Variants in RCC1L observed in about 807,000 individuals in gnomAD.
RCC1L encodes the protein RCC1 like.
A neutral mutation model predicts 58.6 loss-of-function variants in RCC1L; 46 were observed. The observed-to-expected ratio is 0.79, with a 90% CI of 0.62 to 1.00. RCC1L has a LOEUF of 1.00. Among genes scored for constraint, RCC1L ranks in the 50% least tolerant of loss-of-function variants. The pLI is 0.00. For missense variants in RCC1L, 636 were observed against 623.6 expected (o/e 1.02, Z -0.21); for synonymous variants, 281 against 262.9 (o/e 1.07, Z -0.67).
rs1351964920 is a variant in RCC1L, at chr7:75,054,554, A to G, written c.1231+1347T>C. 9.8e-5 allele frequency among the ~76,000 whole-genome samples: 15 copies of G among 152,330 alleles called. No individual in the cohort carries two copies. The East Asian group carries it at 2.9e-3, about 29-fold the overall frequency. ...GCCTTAAGAACTTTCTGGAAAGTAGATATTTGTTTCCCCCAAAATTAGTCC... is the reference window on the plus strand; with the variant it reads ...GCCTTAAGAACTTTCTGGAAAGTAGGTATTTGTTTCCCCCAAAATTAGTCC... On this transcript the variant is annotated intron_variant, in intron 9 of 10. Coordinates refer to ENST00000610322, the MANE Select transcript of RCC1L (RefSeq NM_030798.5).
At chr7:75,043,427 G>A (rs1805625711) in intron 10 of RCC1L, among the ~76,000 whole-genome samples, 2 of 152,212 alleles carry the variant, frequency 1.3e-5, no homozygotes, top group South Asian at 4.1e-4. Context: ...GGCATGTCGG[G>A]CAGGAACATG....
At chr7:75,069,853 T>A (rs1584506198) in intron 2 of RCC1L, among the ~76,000 whole-genome samples, 1 of 151,982 alleles carries the variant, frequency 6.6e-6, no homozygotes, top group South Asian at 2.1e-4. Context: ...GCTGCCCTCC[T>A]CGGCTTCCCA....
At chr7:75,072,153 TACATATAC>T (rs1250769205) in intron 1 of RCC1L, among the ~76,000 whole-genome samples, 4 of 54,306 alleles carry the variant, frequency 7.4e-5, no homozygotes, top group Non-Finnish European at 1.7e-4. Flanking sequence ...CATATACATA[TACATATAC>T]ATATATATAT....
chr7:75,060,450 A>G (rs1584499415), intron 6 of RCC1L, among the ~76,000 whole-genome samples: 1 of 152,188 alleles, frequency 6.6e-6, no homozygotes, highest in Admixed American at 6.5e-5. Flanking sequence ...TTTGTTTTTG[A>G]GACAGAGTCT....
At chr7:75,061,382 G>A (rs1034924894) in intron 5 of RCC1L, 91 bp from the exon 6 acceptor site, 18 of 1,072,898 alleles carry the variant, frequency 1.7e-5, no homozygotes, top group Non-Finnish European at 2.5e-5. Flanking sequence ...ATCGCCTGCC[G>A]CTCCTGGGCA....
chr7:75,028,058 C>G (rs982335242), exon 11 of RCC1L: 1 of 1,533,506 alleles, frequency 6.5e-7, no homozygotes, highest in African/African-American at 1.4e-5. Flanking sequence ...GTTGTCTTGG[C>G]GCTGGCGGAT....
At chr7:75,056,644 A>T in intron 8 of RCC1L, 1 of 1,535,410 alleles carries the variant, frequency 6.5e-7, no homozygotes, top group South Asian at 1.2e-5. Context: ...TCTCTGGCCC[A>T]GGCTAAGGGA....
intron 6 of RCC1L, among the ~76,000 whole-genome samples, chr7:75,059,631 G>A (rs926761192): frequency 1.3e-5 from 2 of 151,740 alleles, no homozygotes; most frequent in African/African-American, 2.4e-5. Flanking sequence ...GGCTGGTATC[G>A]AACTCCTGGG....
intron 10 of RCC1L, among the ~76,000 whole-genome samples, chr7:75,046,313 C>T (rs1454538679): frequency 1.3e-5 from 2 of 152,248 alleles, no homozygotes; most frequent in African/African-American, 4.8e-5. Flanking sequence ...CAGGCTGCCT[C>T]TGCAGGGACT....
chr7:75,060,205 G>A (rs1806228077), intron 6 of RCC1L, among the ~76,000 whole-genome samples: 1 of 152,204 alleles, frequency 6.6e-6, no homozygotes, highest in East Asian at 1.9e-4. Context: ...TGGGTTGGCA[G>A]CTTATTGCTT....
intron 2 of RCC1L, among the ~76,000 whole-genome samples, chr7:75,067,906 T>C (rs1341913686): frequency 6.6e-6 from 1 of 151,844 alleles, no homozygotes; most frequent in Non-Finnish European, 1.5e-5. Context: ...AGGGGGAAGG[T>C]GGGAAAAATG....
rs1806845543 is a variant in RCC1L, at chr7:75,073,479, G to GGGGCCC, written c.253_258dup (p.Gly85_Pro86dup). On this transcript the variant is annotated inframe_insertion, in exon 1 of 11. Transcript: ENST00000610322. ...CTGCGGCGCGGTCGGGCGCCGGCGC[G>GGGGCCC]GGGCCCGGGCCCGGAGCTGGGCACC... is the stretch of plus-strand genomic sequence containing the variant. 1 of 1,382,866 alleles carries GGGGCCC rather than the reference G, an allele frequency of 7.2e-7. No individual in the cohort carries two copies. The highest frequency in any genetic ancestry group is 9.3e-7 in the Non-Finnish European group (1 of 1,073,504). The allele number at this position is 1,382,866 out of a possible 1,614,324, so 85.7% of individuals were successfully genotyped here.
chr7:75,070,642 T>C lies in RCC1L; in HGVS notation c.452A>G (p.Lys151Arg), dbSNP rs1554445921. ...GGAGACAAGGTAGGGATGCTCACTT[T>C]TATCTTTCCGGCTCCTGTGAAATCC... ...QLGFHRSRKD[K>R]TRGYEYVLEP... The change falls in exon 2 of 11, where the codon AAA (lysine) becomes AGA (arginine). Residue 151 changes from lysine (K) to arginine (R), a missense_variant and splice_region_variant. Physicochemically the swap from Lys to Arg is conservative, Grantham distance 26. Transcript: ENST00000610322. 2 of 1,613,954 alleles carry C rather than the reference T, an allele frequency of 1.2e-6. No homozygotes were observed. The highest frequency in any genetic ancestry group is 2.2e-5 in the East Asian group (1 of 44,878).
chr7:75,050,943 A>G (rs1237044603), intron 10 of RCC1L, among the ~76,000 whole-genome samples: 1 of 151,954 alleles, frequency 6.6e-6, no homozygotes, highest in African/African-American at 2.4e-5. Context: ...AAATAAAAAA[A>G]TTTGTCAGGT....
chr7:75,067,482 A>G (rs1806540719), intron 2 of RCC1L, among the ~76,000 whole-genome samples: 1 of 151,768 alleles, frequency 6.6e-6, no homozygotes, highest in Non-Finnish European at 1.5e-5. Flanking sequence ...ATACAAAATT[A>G]GCCAGACGTG....
At chr7:75,032,879 C>T (rs1805342387) in intron 10 of RCC1L, among the ~76,000 whole-genome samples, 1 of 151,854 alleles carries the variant, frequency 6.6e-6, no homozygotes, top group Non-Finnish European at 1.5e-5. Context: ...CAAGACCACC[C>T]TGGTCAACAT....
intron 2 of RCC1L, 43 bp downstream of exon 2, chr7:75,070,597 C>T (rs1554445897): frequency 6.2e-7 from 1 of 1,606,306 alleles, no homozygotes; most frequent in East Asian, 2.2e-5. Context: ...AGAGCTTTCT[C>T]AGACCAATCC....
intron 2 of RCC1L, among the ~76,000 whole-genome samples, chr7:75,069,010 A>G (rs2132011624): frequency 6.6e-6 from 1 of 151,716 alleles, no homozygotes; most frequent in Admixed American, 6.6e-5. Flanking sequence ...CTGGGATTAC[A>G]GGCGCGCGCC....
chr7:75,042,132 A>G, downstream of RCC1L: 1 of 975,918 alleles, frequency 1.0e-6, no homozygotes, highest in Middle Eastern at 5.3e-4. Flanking sequence ...CTTGTTTATA[A>G]AAGCAAAACT....
Sources: gnomAD v4.1 joint callset for allele counts (sites outside exome capture counted in the v4.1 genomes callset) on GRCh38, gnomAD v4.1.1 for gene constraint, MANE v1.5 for transcripts, NCBI Gene and HGNC (gene_info 2026-07-23, HGNC 2026-07-21) for gene names.